The following DBH variants were observed in gnomAD, a reference collection of about 807,000 sequenced individuals.
DBH encodes dopamine beta-hydroxylase.
DBH carries 49 observed loss-of-function variants against 64.0 expected under a neutral mutation model. The observed-to-expected ratio is 0.77, with a 90% CI of 0.61 to 0.97. The LOEUF (loss-of-function observed/expected upper bound fraction) is 0.97, where lower values mean the gene tolerates loss of function less well. Among genes scored for constraint, DBH ranks in the 50% least tolerant of loss-of-function variants. The probability of loss-of-function intolerance (pLI) is 0.00; values close to 1 mark genes in which losing one functional copy is unlikely to be tolerated. For missense variants in DBH, 828 were observed against 826.6 expected (o/e 1.00, Z -0.02); for synonymous variants, 343 against 347.1 (o/e 0.99, Z 0.13).
chr9:133,650,626 C>A (rs1317313623), intron 6 of DBH, among the ~76,000 whole-genome samples: 1 of 145,978 alleles, frequency 6.9e-6, no homozygotes. Flanking sequence ...TGGCTCACTG[C>A]AACCTCTGCC....
chr9:133,651,630 A>C lies in DBH; in HGVS notation c.1192-4A>C. Reference sequence around the variant, plus strand: ...CCTGACACTGCAGCCCCCCGACCCCACAGGCACTGCCTCCCTCCGGGATCC... The same window carrying C: ...CCTGACACTGCAGCCCCCCGACCCCCCAGGCACTGCCTCCCTCCGGGATCC... On this transcript the variant is annotated splice_region_variant and splice_polypyrimidine_tract_variant and intron_variant, in intron 6 of 11. Coordinates refer to ENST00000393056, the MANE Select transcript of DBH (RefSeq NM_000787.4). 1 of 1,613,386 alleles carries C rather than the reference A, an allele frequency of 6.2e-7. No individual in the cohort carries two copies. Among genetic ancestry groups the C allele is most frequent in the East Asian group, 2.2e-5 (1 of 44,876 alleles).
chr9:133,642,366 G>T lies in DBH; in HGVS notation c.646G>T (p.Val216Phe). ...GCCCTCAGACGCGTGCACCATGGAG[G>T]TCCAAGCTCCCAATATCCAGATCCC... The part of the protein sequence containing the change: ...ELPSDACTME[V>F]QAPNIQIPSQ... The change falls in exon 3 of 12, where the codon GTC becomes TTC. Residue 216 changes from valine (V) to phenylalanine (F), a missense_variant. Physicochemically the swap from Val to Phe is conservative, Grantham distance 50. Coordinates refer to ENST00000393056, the MANE Select transcript of DBH (RefSeq NM_000787.4). 5 of 1,614,128 alleles carry T rather than the reference G, an allele frequency of 3.1e-6. No homozygotes were observed. The highest frequency in any genetic ancestry group is 4.2e-6 in the Non-Finnish European group (5 of 1,180,000).
In DBH at chr9:133,643,379, C is replaced by T. The variant is rs369441100; in HGVS notation, c.745-34C>T. On this transcript the variant is annotated intron_variant, in intron 3 of 11. Coordinates refer to ENST00000393056, the MANE Select transcript of DBH (RefSeq NM_000787.4). The surrounding 1 kb of genome is among the most constrained non-coding windows in gnomAD (Gnocchi z 5.3). Reference sequence around the variant, plus strand: ...TGCTGGGGAGGGGAGGGTGGGCGGCCGGTTCCCGGGCTCAGAGGGCTGCCT... The same window carrying T: ...TGCTGGGGAGGGGAGGGTGGGCGGCTGGTTCCCGGGCTCAGAGGGCTGCCT... The T allele has an allele frequency of 2.9e-5, 46 of 1,612,638 alleles. No homozygotes were observed. In the African/African-American group the frequency reaches 4.5e-4, roughly 16 times the overall value.
Position 133,652,266 on chromosome 9 carries a change from GGTC to G in DBH, c.1359_1361del (p.Val454del). 6.2e-7 allele frequency: 1 copy of G among 1,613,750 alleles called. No homozygotes were observed. Among genetic ancestry groups the G allele is most frequent in the Non-Finnish European group, 8.5e-7 (1 of 1,180,032 alleles). ...CCCAGGAGATCCGCATGTTGAAGAA[GGTC>G]GTGTCGGTCCATCCGGTGAGTGCCC... On this transcript the variant is annotated inframe_deletion, in exon 8 of 12. Transcript: ENST00000393056.
At chr9:133,645,362 C>T (rs1366986927) in intron 5 of DBH, among the ~76,000 whole-genome samples, 1 of 151,968 alleles carries the variant, frequency 6.6e-6, no homozygotes, top group Non-Finnish European at 1.5e-5. Context: ...ATTTATTGCT[C>T]ATTTAAACCC....
rs768364693 is a variant in DBH at position 133,652,266 on chromosome 9, G to C, written c.1356G>C (p.Lys452Asn). The change falls in exon 8 of 12, where the codon AAG (lysine) becomes AAC (asparagine). Residue 452 changes from lysine to asparagine, a missense_variant. Coordinates refer to ENST00000393056, the MANE Select transcript of DBH (RefSeq NM_000787.4). The stretch of plus-strand genomic sequence containing the variant: ...CCCAGGAGATCCGCATGTTGAAGAA[G>C]GTCGTGTCGGTCCATCCGGTGAGTG... The part of the protein sequence containing the change: ...PHFQEIRMLK[K>N]VVSVHPGDVL... 8 of 1,613,632 alleles carry C rather than the reference G, an allele frequency of 5.0e-6. No homozygotes were observed. The highest frequency in any genetic ancestry group is 1.7e-5 in the Admixed American group (1 of 60,016).
At chr9:133,646,403 GA>G (rs1391774214) in intron 5 of DBH, among the ~76,000 whole-genome samples, 1 of 152,106 alleles carries the variant, frequency 6.6e-6, no homozygotes, top group African/African-American at 2.4e-5. Flanking sequence ...CGCCAACCAT[GA>G]GCCCAGCCGG....
rs1445590210 is a variant in DBH, at chr9:133,657,399, AGAGAGAGAGGAGAGAG to A, written c.1722+187_1722+202del. On this transcript the variant is annotated intron_variant, in intron 11 of 11. Coordinates refer to ENST00000393056, the MANE Select transcript of DBH (RefSeq NM_000787.4). Reference sequence around the variant, plus strand: ...AGGCCTAGACAGCCAGCCAGCCAGCAGAGAGAGAGGAGAGAGGAGAGAGAGGAGAGAGAGGAGAGAG... The same window carrying A: ...AGGCCTAGACAGCCAGCCAGCCAGCAGAGAGAGAGGAGAGAGAGGAGAGAG... 311 of 534,208 alleles carry A rather than the reference AGAGAGAGAGGAGAGAG, an allele frequency of 5.8e-4. 2 individuals carry two copies. The highest frequency in any genetic ancestry group is 1.4e-3 in the South Asian group (82 of 58,962). The allele number at this position is 534,208 out of a possible 1,614,324, so 33.1% of individuals were successfully genotyped here. A position where few individuals can be genotyped will look rare whatever the true frequency, so the allele number is the denominator to read the frequency against.
intron 5 of DBH, among the ~76,000 whole-genome samples, chr9:133,645,792 A>G (rs1446112333): frequency 1.3e-5 from 2 of 152,156 alleles, no homozygotes; most frequent in African/African-American, 4.8e-5. Flanking sequence ...CAGCTTGGCC[A>G]CTTCCCAGCC....
chr9:133,658,374 CA>C lies in DBH; in HGVS notation c.1782del (p.Gln595SerfsTer86). The C allele has an allele frequency of 3.1e-6, 5 of 1,613,952 alleles. No homozygotes were observed. Among genetic ancestry groups the C allele is most frequent in the Non-Finnish European group, 4.2e-6 (5 of 1,179,924 alleles). On this transcript the variant is annotated frameshift_variant, in exon 12 of 12. Transcript: ENST00000393056. LOFTEE classifies it low-confidence loss of function (END_TRUNC). ...KVISTLEEPT[P>X]QCPTSQGRSP... ...ATCTCCACACTGGAAGAGCCCACCC[CA>C]CAGTGCCCCACCAGCCAGGGCCGAA...
chr9:133,636,468 C>T lies in DBH; in HGVS notation c.97C>T (p.Leu33=). The T allele has an allele frequency of 6.2e-7, 1 of 1,612,950 alleles. No homozygotes were observed. Among genetic ancestry groups the T allele is most frequent in the Non-Finnish European group, 8.5e-7 (1 of 1,179,708 alleles). ...AGCAGTGGCCATCTTCCTGGTCATC[C>T]TGGTGGCCGCACTGCAGGGCTCGGC... ...STAVAIFLVI[L]VAALQGSAPR... is the part of the protein sequence containing the mutation. The change falls in exon 1 of 12, where the codon CTG becomes TTG. Residue 33 remains leucine, a synonymous_variant. Coordinates refer to ENST00000393056, the MANE Select transcript of DBH (RefSeq NM_000787.4).
rs1832139786 is a variant in DBH, at chr9:133,643,369, G to A, written c.745-44G>A. The A allele has an allele frequency of 1.2e-6, 2 of 1,609,114 alleles. No individual in the cohort carries two copies. Among genetic ancestry groups the A allele is most frequent in the South Asian group, 1.1e-5 (1 of 90,796 alleles). On this transcript the variant is annotated intron_variant, in intron 3 of 11. Coordinates refer to ENST00000393056, the MANE Select transcript of DBH (RefSeq NM_000787.4). This position sits in a 1 kb window ranked among gnomAD's most constrained non-coding sequence, Gnocchi z 5.3. ...GGAGGAGGGCTGCTGGGGAGGGGAG[G>A]GTGGGCGGCCGGTTCCCGGGCTCAG...
chr9:133,653,365 C>T (rs961668268), intron 9 of DBH, among the ~76,000 whole-genome samples: 2 of 152,144 alleles, frequency 1.3e-5, no homozygotes, highest in South Asian at 2.1e-4. Context: ...AGAGGTTGAC[C>T]TTTGCCCCGT....
chr9:133,657,510 G>A (rs911251449), intron 11 of DBH, among the ~76,000 whole-genome samples: 8 of 150,712 alleles, frequency 5.3e-5, no homozygotes, highest in Non-Finnish European at 7.4e-5. Context: ...GAGAGAGAGA[G>A]AGAGAGAGGG....
At chr9:133,657,497 GGAGAGAGAGAGAGAGAGA>G (rs149061808) in intron 11 of DBH, among the ~76,000 whole-genome samples, 1 of 143,056 alleles carries the variant, frequency 7.0e-6, no homozygotes, top group African/African-American at 2.7e-5. Context: ...GAGAGAGAGA[GGAGAGAGAGAGAGAGAGA>G]GAGGGAGAGA....
At position 133,652,966 on chromosome 9, in the gene DBH, G is replaced by T; in HGVS notation, c.1401G>T (p.Thr467=). 1 of 1,613,544 alleles carries T rather than the reference G, an allele frequency of 6.2e-7. No individual in the cohort carries two copies. The highest frequency in any genetic ancestry group is 8.5e-7 in the Non-Finnish European group (1 of 1,179,758). The change falls in exon 9 of 12, where the codon ACG becomes ACT. Residue 467 remains threonine (T), a synonymous_variant. Transcript: ENST00000393056. The part of the protein sequence containing the change: ...HPGDVLITSC[T]YNTEDRELAT... Reference sequence around the variant, plus strand: ...GAGATGTGCTCATCACCTCCTGCACGTACAACACAGAAGACCGGGAGCTGG... The same window carrying T: ...GAGATGTGCTCATCACCTCCTGCACTTACAACACAGAAGACCGGGAGCTGG...
In DBH at chr9:133,656,527, G is replaced by C. The variant is rs1346761372; in HGVS notation, c.1439G>C (p.Gly480Ala). 1.2e-6 allele frequency: 2 copies of C among 1,613,898 alleles called. No individual in the cohort carries two copies. The highest frequency in any genetic ancestry group is 1.6e-4 in the Middle Eastern group (1 of 6,062). ...CGGGTCTCCTCCAACTTGCAGGGGG[G>C]CTTCGGGATCCTGGAGGAGATGTGT... Reference protein sequence around the residue: ...TEDRELATVGGFGILEEMCVN... With the variant: ...TEDRELATVGAFGILEEMCVN... Residue 480 changes from glycine (G) to alanine (A), a missense_variant, in exon 10 of 12, where the codon GGC becomes GCC. Coordinates refer to ENST00000393056, the MANE Select transcript of DBH (RefSeq NM_000787.4).
intron 5 of DBH, 63 bp downstream of exon 5, chr9:133,644,383 G>A: frequency 7.3e-7 from 1 of 1,367,552 alleles, no homozygotes; most frequent in Non-Finnish European, 1.0e-6. Flanking sequence ...GAGCCAGTGA[G>A]CAAATCCCGC....
intron 1 of DBH, among the ~76,000 whole-genome samples, chr9:133,638,515 G>C (rs988055213): frequency 6.6e-6 from 1 of 152,182 alleles, no homozygotes. Context: ...AAGCAGCTTC[G>C]TTTGGACAAT....
Sources: allele counts gnomAD v4.1 joint callset (sites outside exome capture counted in the v4.1 genomes callset), GRCh38; gene constraint gnomAD v4.1.1; non-coding constraint Gnocchi (gnomAD v3.1); transcripts MANE v1.5; gene names NCBI Gene and HGNC (gene_info 2026-07-23, HGNC 2026-07-21).